Variants in ZPBP observed in about 807,000 individuals in gnomAD.
ZPBP encodes the protein zona pellucida binding protein.
In ZPBP, 26 loss-of-function variants were observed where a neutral mutation model predicts 44.8. That is an observed-to-expected ratio of 0.58 (90% CI 0.43 to 0.81). The LOEUF (loss-of-function observed/expected upper bound fraction) is 0.81, where lower values mean the gene tolerates loss of function less well. Ranked by LOEUF, ZPBP falls within the 30% of genes least tolerant of loss-of-function variation. The pLI is 0.00. For synonymous variants in ZPBP, 174 were observed against 153.2 expected (o/e 1.14, Z -1.00); for missense variants, 409 against 434.0 (o/e 0.94, Z 0.51).
chr7:50,012,067 A>G (rs1798611743), intron 6 of ZPBP, among the ~76,000 whole-genome samples: 1 of 151,898 alleles, frequency 6.6e-6, no homozygotes, highest in Non-Finnish European at 1.5e-5. Context: ...AATTAGAAAA[A>G]AAACTGAAAA....
At chr7:49,955,382 C>A (rs545685473) in intron 7 of ZPBP, among the ~76,000 whole-genome samples, 1 of 151,980 alleles carries the variant, frequency 6.6e-6, no homozygotes, top group South Asian at 2.1e-4. Context: ...CACGATGAAA[C>A]CCCATCTCTA....
chr7:49,869,568 G>T (rs1437688993), intron 2 of ZPBP, among the ~76,000 whole-genome samples: 3 of 152,152 alleles, frequency 2.0e-5, no homozygotes, highest in African/African-American at 7.2e-5. Flanking sequence ...CTTTTGCAAA[G>T]ATTGAAATCC....
At chr7:49,938,769 A>T (rs1370669750) in intron 7 of ZPBP, among the ~76,000 whole-genome samples, 1 of 152,198 alleles carries the variant, frequency 6.6e-6, no homozygotes, top group African/African-American at 2.4e-5. Flanking sequence ...TTAATAGCAC[A>T]TCTATGGAAT....
chr7:49,934,783 A>G (rs1212511354), downstream of ZPBP, among the ~76,000 whole-genome samples: 4 of 152,152 alleles, frequency 2.6e-5, no homozygotes, highest in Admixed American at 1.3e-4. Flanking sequence ...TGGACCAAAC[A>G]TGTTAAGGCT....
chr7:50,024,847 T>C (rs560387653), intron 5 of ZPBP, among the ~76,000 whole-genome samples: 1 of 151,866 alleles, frequency 6.6e-6, no homozygotes, highest in South Asian at 2.1e-4. Flanking sequence ...GCTCTTACCA[T>C]GGGGTGGAGG....
intron 1 of ZPBP, among the ~76,000 whole-genome samples, chr7:49,926,044 A>G (rs1257906191): frequency 6.6e-6 from 1 of 152,218 alleles, no homozygotes; most frequent in Non-Finnish European, 1.5e-5. Flanking sequence ...TGGACTCTGC[A>G]TAATGGGCAG....
intron 3 of ZPBP, among the ~76,000 whole-genome samples, chr7:50,080,580 C>A (rs548157670): frequency 6.6e-6 from 1 of 151,688 alleles, no homozygotes; most frequent in East Asian, 1.9e-4. Context: ...ATAAAAAATT[C>A]AATGCTTAAA....
At chr7:50,084,675 A>G (rs1802544891) in intron 2 of ZPBP, among the ~76,000 whole-genome samples, 1 of 152,002 alleles carries the variant, frequency 6.6e-6, no homozygotes, top group South Asian at 2.1e-4. Context: ...TGATATAAGA[A>G]CTACCTAGTC....
chr7:50,001,125 A>C (rs1798077640), intron 6 of ZPBP, among the ~76,000 whole-genome samples: 1 of 152,130 alleles, frequency 6.6e-6, no homozygotes, highest in Non-Finnish European at 1.5e-5. Flanking sequence ...TGAGACTATA[A>C]ATTTATACTG....
intron 3 of ZPBP, among the ~76,000 whole-genome samples, chr7:50,064,300 T>A (rs755266402): frequency 2.0e-5 from 3 of 152,088 alleles, no homozygotes; most frequent in Non-Finnish European, 4.4e-5. Flanking sequence ...ACAAGGCAAG[T>A]GGAGGCAGGG....
At chr7:49,844,217 A>G in the ZPBP span, among the ~76,000 whole-genome samples, 7 of 152,350 alleles carry the variant, frequency 4.6e-5, no homozygotes, top group South Asian at 1.5e-3. Flanking sequence ...CTAGTAGAGA[A>G]TATCTCTACA....
chr7:50,014,231 C>T (rs1798712024), intron 6 of ZPBP, among the ~76,000 whole-genome samples: 1 of 151,972 alleles, frequency 6.6e-6, no homozygotes, highest in Non-Finnish European at 1.5e-5. Flanking sequence ...CCCAAGCAGT[C>T]CTTTTTGAGA....
the ZPBP span, among the ~76,000 whole-genome samples, chr7:49,841,723 C>T: frequency 2.6e-5 from 4 of 152,230 alleles, no homozygotes; most frequent in African/African-American, 9.6e-5. Flanking sequence ...ACTTGATGCC[C>T]TTGTCCACAC....
intron 1 of ZPBP, among the ~76,000 whole-genome samples, chr7:49,906,463 G>C (rs1438849488): frequency 6.6e-6 from 1 of 151,990 alleles, no homozygotes; most frequent in African/African-American, 2.4e-5. Context: ...AGCCTCCCAA[G>C]TAGCTGGGAC....
In ZPBP at chr7:49,982,092, T is replaced by TC. The variant is rs1284569103; in HGVS notation, c.961+1249_961+1250insG. ...TATATAATTATATAATTATATGAATTATATAATTATATAATTATAAATATT... is the reference window on the plus strand; with the variant it reads ...TATATAATTATATAATTATATGAATTCATATAATTATATAATTATAAATATT... On this transcript the variant is annotated intron_variant, in intron 7 of 7. Coordinates refer to ENST00000046087, the MANE Select transcript of ZPBP (RefSeq NM_007009.3). Among the ~76,000 whole-genome samples, 3 of 25,484 alleles carry TC rather than the reference T, an allele frequency of 1.2e-4. 1 individual carries two copies. The highest frequency in any genetic ancestry group is 2.0e-4 in the Non-Finnish European group (3 of 14,844). 16.7% of individuals were successfully genotyped at this position (25,484 alleles called of 152,430 possible).
intron 6 of ZPBP, among the ~76,000 whole-genome samples, chr7:49,993,682 C>T (rs1164816589): frequency 1.3e-5 from 2 of 152,146 alleles, no homozygotes; most frequent in Non-Finnish European, 2.9e-5. Flanking sequence ...GGCTGATCAC[C>T]ATGAAGAATG....
intron 2 of ZPBP, among the ~76,000 whole-genome samples, chr7:49,871,804 A>G (rs537478135): frequency 6.6e-6 from 1 of 151,396 alleles, no homozygotes; most frequent in African/African-American, 2.4e-5. Context: ...ATTACATTTA[A>G]GGGAAATTAT....
At chr7:49,917,722 A>G (rs1793799214) in intron 1 of ZPBP, 1 of 152,180 alleles carries the variant, frequency 6.6e-6, no homozygotes, top group South Asian at 2.1e-4. Flanking sequence ...CATATACATT[A>G]AAGTGTATTT....
intron 2 of ZPBP, among the ~76,000 whole-genome samples, chr7:49,868,085 C>T (rs1355014947): frequency 1.3e-5 from 2 of 152,232 alleles, no homozygotes; most frequent in Admixed American, 6.5e-5. Flanking sequence ...CCACCCACCT[C>T]GGCCTCCCAA....
Sources: gnomAD v4.1 joint callset for allele counts (sites outside exome capture counted in the v4.1 genomes callset) on GRCh38, gnomAD v4.1.1 for gene constraint, MANE v1.5 for transcripts, NCBI Gene and HGNC (gene_info 2026-07-23, HGNC 2026-07-21) for gene names.